The following GABPA variants were observed in gnomAD, a reference collection of about 807,000 sequenced individuals.
GABPA encodes the protein GA binding protein transcription factor subunit alpha.
In GABPA, 4 loss-of-function variants were observed where a neutral mutation model predicts 59.4. That is an observed-to-expected ratio of 0.07 (90% CI 0.03 to 0.15). GABPA has a LOEUF of 0.15. Ranked by LOEUF, GABPA falls within the 10% of genes least tolerant of loss-of-function variation. The pLI, the probability that GABPA is intolerant of heterozygous loss-of-function variation, is 1.00. For synonymous variants in GABPA, 164 were observed against 183.1 expected (o/e 0.90, Z 0.84); for missense variants, 251 against 543.8 (o/e 0.46, Z 5.36).
chr21:25,738,068 G>A (rs1171529055), intron 1 of GABPA, among the ~76,000 whole-genome samples: 1 of 152,156 alleles, frequency 6.6e-6, no homozygotes, highest in African/African-American at 2.4e-5. Context: ...CTTAGTTAGG[G>A]ATGAAATTGC....
intron 4 of GABPA, among the ~76,000 whole-genome samples, chr21:25,750,406 T>C (rs574502817): frequency 9.2e-5 from 14 of 152,324 alleles, no homozygotes; most frequent in African/African-American, 2.6e-4. Context: ...ATACCAGTGA[T>C]TCTAAAGCAT....
chr21:25,768,323 G>C (rs2035940178), intron 9 of GABPA, among the ~76,000 whole-genome samples: 2 of 151,714 alleles, frequency 1.3e-5, no homozygotes, highest in Admixed American at 1.3e-4. Context: ...TATTGGGCTT[G>C]GATAATTTAT....
At chr21:25,762,924 A>C (rs1300131642) in intron 7 of GABPA, 1 of 310,976 alleles carries the variant, frequency 3.2e-6, no homozygotes, top group Non-Finnish European at 6.3e-6. Context: ...GGCATTTTCC[A>C]AGGCTTGAAG....
chr21:25,738,570 G>A (rs1368843526), intron 1 of GABPA, among the ~76,000 whole-genome samples: 1 of 152,072 alleles, frequency 6.6e-6, no homozygotes, highest in African/African-American at 2.4e-5. Flanking sequence ...TCTATCCTGA[G>A]ACCACAAAAA....
At chr21:25,766,074 A>G (rs1483385375) in intron 9 of GABPA, among the ~76,000 whole-genome samples, 1 of 152,028 alleles carries the variant, frequency 6.6e-6, no homozygotes, top group Admixed American at 6.6e-5. Flanking sequence ...TATTTTCTCA[A>G]GACAAATAGG....
At chr21:25,752,291 G>C in intron 5 of GABPA, 57 bp downstream of exon 5, 1 of 1,517,390 alleles carries the variant, frequency 6.6e-7, no homozygotes, top group Non-Finnish European at 9.1e-7. Flanking sequence ...GCTTGACATA[G>C]AAGACACTAG....
intron 5 of GABPA, among the ~76,000 whole-genome samples, chr21:25,756,578 T>C (rs2035642832): frequency 6.6e-6 from 1 of 152,242 alleles, no homozygotes; most frequent in Non-Finnish European, 1.5e-5. Flanking sequence ...CATCTTGTCC[T>C]GTTGTACTTT....
At chr21:25,744,030 G>C (rs1195813413) in intron 2 of GABPA, among the ~76,000 whole-genome samples, 1 of 125,648 alleles carries the variant, frequency 8.0e-6, no homozygotes, top group African/African-American at 3.2e-5. Context: ...GGAACAGAGC[G>C]AGACTCTGTC....
intron 9 of GABPA, among the ~76,000 whole-genome samples, chr21:25,766,550 C>T (rs2035894734): frequency 6.6e-6 from 1 of 151,916 alleles, no homozygotes; most frequent in Admixed American, 6.6e-5. Flanking sequence ...ATAGACACCT[C>T]AGGCTAGAGA....
intron 3 of GABPA, among the ~76,000 whole-genome samples, chr21:25,748,384 C>T (rs1289430888): frequency 6.6e-6 from 1 of 152,138 alleles, no homozygotes; most frequent in Non-Finnish European, 1.5e-5. Flanking sequence ...TGTCTTTAAG[C>T]TGATGACAGA....
intron 1 of GABPA, among the ~76,000 whole-genome samples, chr21:25,741,198 GCTCACTGCAGC>G (rs1466099138): frequency 3.3e-5 from 5 of 152,074 alleles, no homozygotes; most frequent in Admixed American, 3.3e-4. Flanking sequence ...TGCGATCATG[GCTCACTGCAGC>G]CTCAGCCTCC....
At position 25,764,626 on chromosome 21, in the gene GABPA, T is replaced by C. The variant is rs1344436157; in HGVS notation, c.975T>C (p.Phe325=). 1.9e-6 allele frequency: 3 copies of C among 1,611,900 alleles called. No individual in the cohort carries two copies. The South Asian group carries it at 3.3e-5, about 18-fold the overall frequency. Residue 325 remains phenylalanine (F), a synonymous_variant, in exon 9 of 10, where the codon TTT becomes TTC. Coordinates refer to ENST00000400075, the MANE Select transcript of GABPA (RefSeq NM_002040.4). ...GNNGQIQLWQ[F]LLELLTDKDA... ...ATGGCCAAATCCAACTATGGCAGTT[T>C]TTGCTAGAACTTCTTACTGATAAGG...
intron 1 of GABPA, 88 bp downstream of exon 1, chr21:25,735,666 G>T (rs2035024757): frequency 6.6e-6 from 1 of 152,052 alleles, no homozygotes; most frequent in Admixed American, 6.6e-5. Flanking sequence ...GGGCCCCCCC[G>T]CGGCCGCCTC....
chr21:25,750,086 C>A (rs756813895), intron 4 of GABPA, among the ~76,000 whole-genome samples: 1 of 152,200 alleles, frequency 6.6e-6, no homozygotes. Context: ...ACAGTTTCAT[C>A]TGGAGGTGAT....
intron 6 of GABPA, among the ~76,000 whole-genome samples, chr21:25,760,504 C>T (rs1252568383): frequency 6.6e-6 from 1 of 152,030 alleles, no homozygotes; most frequent in Non-Finnish European, 1.5e-5. Flanking sequence ...GAGCCACCAC[C>T]TGCCTGCAGT....
At position 25,745,134 on chromosome 21, in the gene GABPA, G is replaced by A. The variant is rs150628153; in HGVS notation, c.78-76G>A. On this transcript the variant is annotated intron_variant, in intron 2 of 9. Coordinates refer to ENST00000400075, the MANE Select transcript of GABPA (RefSeq NM_002040.4). ...CAGAAATGTGTTTTGGTTTGGGATTGTGTTTTTAGCATATTGTTGCTTTGA... is the reference window on the plus strand; with the variant it reads ...CAGAAATGTGTTTTGGTTTGGGATTATGTTTTTAGCATATTGTTGCTTTGA... 1.1e-4 allele frequency: 161 copies of A among 1,500,848 alleles called. No homozygotes were observed. In the African/African-American group the frequency reaches 1.9e-3, roughly 17 times the overall value. The allele number at this position is 1,500,848 out of a possible 1,614,324, so 93.0% of individuals were successfully genotyped here. A position where few individuals can be genotyped will look rare whatever the true frequency, so the allele number is the denominator to read the frequency against.
chr21:25,769,217 G>A lies in GABPA; in HGVS notation c.1350G>A (p.Thr450=), dbSNP rs751320515. ...AVALATASLQ[T]EKDN is the part of the protein sequence containing the mutation. ...CTCTGGCTACTGCTTCTCTGCAAACGGAAAAGGATAATTGAGCCCCAGGAC... is the reference window on the plus strand; with the variant it reads ...CTCTGGCTACTGCTTCTCTGCAAACAGAAAAGGATAATTGAGCCCCAGGAC... Residue 450 remains threonine (T), a synonymous_variant, in exon 10 of 10, where the codon ACG becomes ACA. Coordinates refer to ENST00000400075, the MANE Select transcript of GABPA (RefSeq NM_002040.4). 4.4e-6 allele frequency: 7 copies of A among 1,595,548 alleles called. No homozygotes were observed. The highest frequency in any genetic ancestry group is 4.0e-5 in the African/African-American group (3 of 74,460).
chr21:25,757,538 G>A (rs1252934591), intron 5 of GABPA, among the ~76,000 whole-genome samples: 1 of 152,148 alleles, frequency 6.6e-6, no homozygotes, highest in African/African-American at 2.4e-5. Context: ...GTAAATGCAG[G>A]AGCAGCCAGC....
chr21:25,760,661 A>G (rs545172688), intron 6 of GABPA, among the ~76,000 whole-genome samples: 56 of 152,220 alleles, frequency 3.7e-4, no homozygotes, highest in Non-Finnish European at 6.2e-4. Flanking sequence ...TCAGTTTGCT[A>G]AGGGTTTTAT....
Sources: gnomAD v4.1 joint callset for allele counts (sites outside exome capture counted in the v4.1 genomes callset) on GRCh38, gnomAD v4.1.1 for gene constraint, MANE v1.5 for transcripts, NCBI Gene and HGNC (gene_info 2026-07-23, HGNC 2026-07-21) for gene names.